STX8: variants seen among roughly 807,000 people sequenced by gnomAD.
The protein encoded by STX8 is syntaxin 8, also known as syntaxin-8.
STX8 carries 23 observed loss-of-function variants against 37.5 expected under a neutral mutation model. The ratio of observed to expected loss-of-function variants is 0.61; its 90% CI spans 0.44 to 0.87. The LOEUF (loss-of-function observed/expected upper bound fraction) is 0.87. Ranked by LOEUF, STX8 falls within the 40% of genes least tolerant of loss-of-function variation. The pLI is 0.00. For missense variants in STX8, 313 were observed against 284.7 expected (o/e 1.10, Z -0.71); for synonymous variants, 115 against 99.1 (o/e 1.16, Z -0.95).
At chr17:9,502,828 C>T (rs567003515) in intron 5 of STX8, among the ~76,000 whole-genome samples, 83 of 152,092 alleles carry the variant, frequency 5.5e-4, no homozygotes, top group African/African-American at 1.9e-3. Context: ...GCAGGCCGGG[C>T]GCGGTGGCTC....
chr17:9,272,533 G>A (rs1358753171), intron 7 of STX8, among the ~76,000 whole-genome samples: 4 of 152,172 alleles, frequency 2.6e-5, no homozygotes, highest in South Asian at 4.1e-4. Flanking sequence ...AGTCACAAGG[G>A]GGTGCCTTCT....
intron 4 of STX8, among the ~76,000 whole-genome samples, chr17:9,536,306 C>A (rs562398826): frequency 1.3e-5 from 2 of 152,114 alleles, no homozygotes; most frequent in African/African-American, 4.8e-5. Flanking sequence ...AAGCCGACAT[C>A]GAGTATCGGG....
At chr17:9,348,906 G>A (rs867384999) in intron 7 of STX8, among the ~76,000 whole-genome samples, 1 of 152,302 alleles carries the variant, frequency 6.6e-6, no homozygotes, top group South Asian at 2.1e-4. Context: ...TGGAGGACGC[G>A]TTCCAAGACC....
chr17:9,450,896 G>A (rs1410092770), intron 6 of STX8, among the ~76,000 whole-genome samples: 2 of 151,854 alleles, frequency 1.3e-5, no homozygotes, highest in African/African-American at 4.8e-5. Flanking sequence ...GGCCTCTTTT[G>A]CAGCCTTCCT....
At chr17:9,468,394 G>A (rs1905708297) in intron 6 of STX8, among the ~76,000 whole-genome samples, 1 of 152,140 alleles carries the variant, frequency 6.6e-6, no homozygotes, top group African/African-American at 2.4e-5. Context: ...ACAGGTGTGA[G>A]CCACTGCACC....
chr17:9,568,304 G>C, intron 2 of STX8, 67 bp downstream of exon 2: 1 of 1,200,042 alleles, frequency 8.3e-7, no homozygotes, highest in Non-Finnish European at 1.2e-6. Flanking sequence ...CTCAAAGAAA[G>C]ATAGGAGGGT....
intron 6 of STX8, among the ~76,000 whole-genome samples, chr17:9,390,506 G>A (rs552781758): frequency 6.6e-5 from 9 of 137,162 alleles, no homozygotes; most frequent in Admixed American, 2.3e-4. Flanking sequence ...TGGACAGCAA[G>A]AGCGAAACTC....
At chr17:9,408,783 C>T (rs17809325) in intron 6 of STX8, among the ~76,000 whole-genome samples, 1,618 of 152,254 alleles carry the variant, frequency 0.011, 53 homozygotes, top group East Asian at 0.073. Flanking sequence ...GTAACAAAAA[C>T]GGAAGCCATT....
chr17:9,455,254 A>G (rs934475611), intron 6 of STX8, among the ~76,000 whole-genome samples: 3 of 151,518 alleles, frequency 2.0e-5, no homozygotes, highest in Non-Finnish European at 4.4e-5. Context: ...AATCCTAGCA[A>G]TTTGGGAGGC....
chr17:9,483,171 T>C (rs907828458), intron 6 of STX8, among the ~76,000 whole-genome samples: 1 of 152,150 alleles, frequency 6.6e-6, no homozygotes, highest in African/African-American at 2.4e-5. Context: ...TTCACTGGAC[T>C]GAAATTGAGG....
chr17:9,300,661 T>C (rs1035058684), intron 7 of STX8, among the ~76,000 whole-genome samples: 2 of 152,124 alleles, frequency 1.3e-5, no homozygotes, highest in South Asian at 4.1e-4. Flanking sequence ...TTGGCGTTCT[T>C]AGTTTTTCAG....
intron 6 of STX8, among the ~76,000 whole-genome samples, chr17:9,432,180 A>G (rs921191568): frequency 2.6e-5 from 4 of 152,138 alleles, no homozygotes; most frequent in African/African-American, 4.8e-5. Context: ...TTCTTAAGTA[A>G]AAATAAAAAA....
At chr17:9,435,510 T>C (rs1904401327) in intron 6 of STX8, among the ~76,000 whole-genome samples, 1 of 152,210 alleles carries the variant, frequency 6.6e-6, no homozygotes, top group Non-Finnish European at 1.5e-5. Context: ...CTTATCTGGA[T>C]TGTGAAAACA....
At chr17:9,497,107 T>G (rs1177891397) in intron 5 of STX8, among the ~76,000 whole-genome samples, 1 of 152,160 alleles carries the variant, frequency 6.6e-6, no homozygotes, top group Non-Finnish European at 1.5e-5. Flanking sequence ...AAATGCAAGA[T>G]CTGGATAGTG....
chr17:9,289,787 C>CGAAAA (rs1555589510), intron 7 of STX8, among the ~76,000 whole-genome samples: 4 of 150,612 alleles, frequency 2.7e-5, no homozygotes, highest in African/African-American at 7.3e-5. Flanking sequence ...CTCAAAAAAA[C>CGAAAA]AAAAACAAAA....
rs546265954 is a variant in STX8, at chr17:9,560,087, G to A, written c.118-2559C>T. ...TGAAAGATTATTAAAAACAGTAGAG[G>A]CCGGGCTGAAAGACTATTAAAAACA... On this transcript the variant is annotated intron_variant, in intron 2 of 7. Coordinates refer to ENST00000306357, the MANE Select transcript of STX8 (RefSeq NM_004853.3). Among the ~76,000 whole-genome samples, 97 of 150,846 alleles carry A rather than the reference G, an allele frequency of 6.4e-4. 1 individual carries two copies. Among genetic ancestry groups the A allele is most frequent in the African/African-American group, 2.0e-3 (81 of 41,144 alleles).
intron 7 of STX8, among the ~76,000 whole-genome samples, chr17:9,366,035 G>A (rs1911220299): frequency 6.6e-6 from 1 of 152,104 alleles, no homozygotes; most frequent in Non-Finnish European, 1.5e-5. Context: ...AGAGGCCATG[G>A]AGAACAAAAC....
chr17:9,484,348 A>T (rs1182338251), intron 6 of STX8, among the ~76,000 whole-genome samples: 1 of 151,516 alleles, frequency 6.6e-6, no homozygotes, highest in Non-Finnish European at 1.5e-5. Flanking sequence ...AAAGAAGGGA[A>T]GATTTCTTAA....
chr17:9,391,031 T>C (rs1023725338), intron 6 of STX8, among the ~76,000 whole-genome samples: 3 of 152,120 alleles, frequency 2.0e-5, no homozygotes, highest in African/African-American at 7.2e-5. Context: ...CAAAGTTAAG[T>C]TTCTTGGATA....
Sources: allele counts gnomAD v4.1 joint callset (sites outside exome capture counted in the v4.1 genomes callset), GRCh38; gene constraint gnomAD v4.1.1; transcripts MANE v1.5; gene names NCBI Gene and HGNC (gene_info 2026-07-23, HGNC 2026-07-21).